LRRC24: variants seen among roughly 807,000 people sequenced by gnomAD.
The protein encoded by LRRC24 is leucine rich repeat containing 24, also known as leucine-rich repeat-containing protein 24.
LRRC24 carries 19 observed loss-of-function variants against 15.3 expected under a neutral mutation model. The observed-to-expected ratio is 1.25, with a 90% CI of 0.87 to 1.83. The LOEUF is 1.83. Ranked by LOEUF, LRRC24 falls within the 40% of genes most tolerant of loss-of-function variation. The pLI, the probability that LRRC24 is intolerant of heterozygous loss-of-function variation, is 0.00. For synonymous variants in LRRC24, 469 were observed against 359.6 expected, an observed-to-expected ratio of 1.30 and a Z score of -3.44; for missense variants, 914 against 723.9, an observed-to-expected ratio of 1.26 and a Z score of -3.01.
rs1340277205 is a variant in LRRC24 at position 144,524,425 on chromosome 8, G to A, written c.438+16C>T. 1 of 1,597,280 alleles carries A rather than the reference G, an allele frequency of 6.3e-7. No individual in the cohort carries two copies. Among genetic ancestry groups the A allele is most frequent in the East Asian group, 2.2e-5 (1 of 44,866 alleles). On this transcript the variant is annotated intron_variant, in intron 3 of 4. Transcript: ENST00000529415. ...CATAATGGAGTATCCCGCCCCTTTA[G>A]ACCCCAGGCGCTCACCGGCAGGTGC...
chr8:144,524,076 G>A (rs1433134782), intron 4 of LRRC24, 34 bp downstream of exon 4: 1 of 1,587,564 alleles, frequency 6.3e-7, no homozygotes, highest in East Asian at 2.3e-5. Flanking sequence ...CAACACCGTG[G>A]CCCAGACAGA....
chr8:144,523,712 C>T (rs897941104), intron 4 of LRRC24: 7 of 414,686 alleles, frequency 1.7e-5, no homozygotes, highest in African/African-American at 6.2e-5. Context: ...TTTTTAGGAA[C>T]CTGGGCGTCC....
rs1206069197 is a variant in LRRC24 at position 144,524,662 on chromosome 8, G to A, written c.217C>T (p.Leu73Phe). 6.7e-7 allele frequency: 1 copy of A among 1,494,292 alleles called. No individual in the cohort carries two copies. The highest frequency in any genetic ancestry group is 8.8e-7 in the Non-Finnish European group (1 of 1,132,188). The allele number at this position is 1,494,292 out of a possible 1,614,324, so 92.6% of individuals were successfully genotyped here. A position where few individuals can be genotyped will look rare whatever the true frequency, so the allele number is the denominator to read the frequency against. ...AGGTAGAGCCGGCGCAGAGCGGCGA[G>A]TGGCGCCAGGGCTCCCGGCTCTAGG... ...ARLEPGALAP[L>F]AALRRLYLHN... The change falls in exon 3 of 5, where the codon CTC (leucine) becomes TTC (phenylalanine). Residue 73 changes from leucine to phenylalanine, a missense_variant. By Grantham distance (22) the Leu-to-Phe change is conservative. Transcript: ENST00000529415.
chr8:144,522,672 AGTC>A lies in LRRC24; in HGVS notation c.1342_1344del (p.Asp448del), dbSNP rs1816159721. On this transcript the variant is annotated inframe_deletion, in exon 5 of 5. Coordinates refer to ENST00000529415, the MANE Select transcript of LRRC24 (RefSeq NM_001024678.4). Reference sequence around the variant, plus strand: ...GCGAACGTACAGGGGCCGTCCAAGTAGTCGTTGACGAACAGCGCTCCCTCCCCC... The same window carrying A: ...GCGAACGTACAGGGGCCGTCCAAGTAGTTGACGAACAGCGCTCCCTCCCCC... 1 of 1,595,662 alleles carries A rather than the reference AGTC, an allele frequency of 6.3e-7. No individual in the cohort carries two copies. Among genetic ancestry groups the A allele is most frequent in the African/African-American group, 1.4e-5 (1 of 73,490 alleles).
chr8:144,524,518 G>A lies in LRRC24; in HGVS notation c.361C>T (p.Leu121=). ...AGGTAGAGCACGCGCAGCTGGGCCA[G>A]GCCTACGAAGGCGCCGCTGCGCAAG... ...RGLRSGAFVG[L]AQLRVLYLAG... The change falls in exon 3 of 5, where the codon CTG becomes TTG. Residue 121 remains leucine (L), a synonymous_variant. Coordinates refer to ENST00000529415, the MANE Select transcript of LRRC24 (RefSeq NM_001024678.4). The A allele has an allele frequency of 6.3e-7, 1 of 1,593,134 alleles. No individual in the cohort carries two copies. Among genetic ancestry groups the A allele is most frequent in the Non-Finnish European group, 8.5e-7 (1 of 1,177,906 alleles).
Position 144,523,402 on chromosome 8 carries a change from T to A in LRRC24, c.615A>T (p.Pro205=), listed in dbSNP as rs779345127. The change falls in exon 5 of 5, where the codon CCA becomes CCT. Residue 205 remains proline, a synonymous_variant. Transcript: ENST00000529415. ...SLQVLRLTEN[P]WRCDCALHWL... is the part of the protein sequence containing the mutation. Reference sequence around the variant, plus strand: ...AGTGCAGGGCGCAGTCACAGCGCCATGGGTTCTCTGTGGGAGAGCAGCGTT... The same window carrying A: ...AGTGCAGGGCGCAGTCACAGCGCCAAGGGTTCTCTGTGGGAGAGCAGCGTT... The A allele has an allele frequency of 2.0e-6, 3 of 1,531,080 alleles. No homozygotes were observed. Among genetic ancestry groups the A allele is most frequent in the Non-Finnish European group, 2.6e-6 (3 of 1,139,402 alleles). 94.8% of individuals were successfully genotyped at this position (1,531,080 alleles called of 1,614,324 possible).
At chr8:144,525,199 G>A (rs1816319846) in intron 1 of LRRC24, 166 bp from the exon 2 acceptor site, 1 of 441,266 alleles carries the variant, frequency 2.3e-6, no homozygotes, top group Non-Finnish European at 3.8e-6. Context: ...AAGCTCTGGG[G>A]CATCAGGTTC....
At position 144,522,857 on chromosome 8, in the gene LRRC24, G is replaced by A; in HGVS notation, c.1160C>T (p.Pro387Leu). The A allele has an allele frequency of 3.1e-6, 4 of 1,278,726 alleles. No homozygotes were observed. Among genetic ancestry groups the A allele is most frequent in the Non-Finnish European group, 3.9e-6 (4 of 1,019,528 alleles). 79.2% of individuals were successfully genotyped at this position (1,278,726 alleles called of 1,614,324 possible). ...GGCCATGCTGCCCGCCTCGGGCCGG[G>A]GCTCGCTGCCGGCGGGGCGGGCGGC... ...PPAARPAGSE[P>L]RPEAGSMAFR... is the part of the protein sequence containing the mutation. The change falls in exon 5 of 5, where the codon CCC becomes CTC. Residue 387 changes from proline (P) to leucine (L), a missense_variant. Transcript: ENST00000529415.
intron 3 of LRRC24, 32 bp from the exon 4 acceptor site, chr8:144,524,310 A>G (rs1327566366): frequency 6.2e-7 from 1 of 1,605,078 alleles, no homozygotes; most frequent in Non-Finnish European, 8.5e-7. Context: ...GTGAGGAAAA[A>G]GGGCGCCGAG....
At position 144,522,619 on chromosome 8, in the gene LRRC24, G is replaced by A; in HGVS notation, c.1398C>T (p.Arg466=). The change falls in exon 5 of 5, where the codon CGC becomes CGT. Residue 466 remains arginine, a synonymous_variant. Transcript: ENST00000529415. ...GGTTGATGACGAACATCTCGTGGCCGCGCTCGTCGCGGAGCTCCTCTAGCT... is the reference window on the plus strand; with the variant it reads ...GGTTGATGACGAACATCTCGTGGCCACGCTCGTCGCGGAGCTCCTCTAGCT... The part of the protein sequence containing the change: ...FAQLEELRDE[R]GHEMFVINRS... 1 of 1,573,028 alleles carries A rather than the reference G, an allele frequency of 6.4e-7. No homozygotes were observed. Among genetic ancestry groups the A allele is most frequent in the South Asian group, 1.2e-5 (1 of 86,278 alleles).
intron 3 of LRRC24, 39 bp from the exon 4 acceptor site, chr8:144,524,317 C>T (rs752817936): frequency 1.3e-5 from 21 of 1,604,346 alleles, no homozygotes; most frequent in Non-Finnish European, 1.6e-5. Flanking sequence ...AAAAGGGCGC[C>T]GAGGTTGGGG....
At chr8:144,523,581 G>T in intron 4 of LRRC24, 172 bp from the exon 5 acceptor site, 1 of 1,085,212 alleles carries the variant, frequency 9.2e-7, no homozygotes, top group Non-Finnish European at 1.2e-6. Flanking sequence ...TGGGGCGGCA[G>T]GCCCTTCACC....
chr8:144,525,869 G>A (rs1330836517), intron 1 of LRRC24: 1 of 152,218 alleles, frequency 6.6e-6, no homozygotes, highest in African/African-American at 2.4e-5. Flanking sequence ...GGCTCTGGGA[G>A]CAGTGTGACC....
rs1816157423 is a variant in LRRC24 at position 144,522,639 on chromosome 8, C to CT, written c.1377dup (p.Glu460ArgfsTer31). ...TGGCCGCGCTCGTCGCGGAGCTCCT[C>CT]TAGCTGTGCGAACGTACAGGGGCCG... On this transcript the variant is annotated frameshift_variant, in exon 5 of 5. Transcript: ENST00000529415. LOFTEE classifies it low-confidence loss of function (END_TRUNC). The CT allele has an allele frequency of 2.5e-6, 4 of 1,584,692 alleles. No individual in the cohort carries two copies. The highest frequency in any genetic ancestry group is 3.4e-6 in the Non-Finnish European group (4 of 1,167,594).
At chr8:144,524,367 T>A (rs998298168) in intron 3 of LRRC24, 74 bp downstream of exon 3, 91 of 1,594,150 alleles carry the variant, frequency 5.7e-5, no homozygotes, top group Non-Finnish European at 7.0e-5. Flanking sequence ...GGGTTGCCTT[T>A]TCTAACTATT....
At position 144,524,537 on chromosome 8, in the gene LRRC24, G is replaced by A. The variant is rs773366614; in HGVS notation, c.342C>T (p.Arg114=). ...GGGCCAGGCCTACGAAGGCGCCGCT[G>A]CGCAAGCCGCGCAGCCGGTTGCTAG... ...ALTSNRLRGL[R]SGAFVGLAQL... is the part of the protein sequence containing the mutation. Residue 114 remains arginine (R), a synonymous_variant, in exon 3 of 5, where the codon CGC becomes CGT. Transcript: ENST00000529415. 3.5e-5 allele frequency: 56 copies of A among 1,581,956 alleles called. No homozygotes were observed. Among genetic ancestry groups the A allele is most frequent in the Middle Eastern group, 1.8e-4 (1 of 5,480 alleles).
chr8:144,524,398 G>C (rs750835117), intron 3 of LRRC24, 43 bp downstream of exon 3: 1 of 1,595,052 alleles, frequency 6.3e-7, no homozygotes, highest in African/African-American at 1.3e-5. Flanking sequence ...AGGGCGAGGG[G>C]CCATAATGGA....
At chr8:144,523,527 C>T in intron 4 of LRRC24, 118 bp from the exon 5 acceptor site, 1 of 1,395,488 alleles carries the variant, frequency 7.2e-7, no homozygotes. Context: ...CGTTTTCACA[C>T]GGAGTCCAAG....
In LRRC24 at chr8:144,523,248, A is replaced by G; in HGVS notation, c.769T>C (p.Cys257Arg). ...LLDVSHSSLI[C>R]IPPSVHVQPL... ...TGCACGTGGACAGAGGGCGGAATGC[A>G]GATGAGGCTGCTGTGGGATACGTCC... The change falls in exon 5 of 5, where the codon TGC becomes CGC. Residue 257 changes from cysteine (C) to arginine (R), a missense_variant. Transcript: ENST00000529415. 1 of 1,610,630 alleles carries G rather than the reference A, an allele frequency of 6.2e-7. No homozygotes were observed. The highest frequency in any genetic ancestry group is 8.5e-7 in the Non-Finnish European group (1 of 1,179,054).
Sources: gnomAD v4.1 joint callset for allele counts on GRCh38, gnomAD v4.1.1 for gene constraint, MANE v1.5 for transcripts, NCBI Gene and HGNC (gene_info 2026-07-23, HGNC 2026-07-21) for gene names.